Variants in DNAH17 observed in about 807,000 individuals in gnomAD.
DNAH17 encodes axonemal beta dynein heavy chain 17.
Under a neutral mutation model 485.6 loss-of-function variants are expected in DNAH17, and 376 were observed. The ratio of observed to expected loss-of-function variants is 0.77; its 90% CI spans 0.71 to 0.84. The LOEUF is 0.84. Ranked by LOEUF, DNAH17 falls within the 40% of genes least tolerant of loss-of-function variation. The pLI, the probability that DNAH17 is intolerant of heterozygous loss-of-function variation, is 0.00. For synonymous variants in DNAH17, 3,031 were observed against 2,405.9 expected (o/e 1.26, Z -7.60); for missense variants, 6,370 against 5,839.3 (o/e 1.09, Z -2.96).
intron 20 of DNAH17, 65 bp downstream of exon 20, chr17:78,532,417 G>A (rs2091264557): frequency 2.0e-6 from 3 of 1,521,458 alleles, no homozygotes; most frequent in Non-Finnish European, 1.8e-6. Flanking sequence ...TTTAAAGCAA[G>A]CCTGGTGATC....
chr17:78,500,240 G>C (rs765917156), intron 36 of DNAH17, 65 bp downstream of exon 36: 71 of 1,502,752 alleles, frequency 4.7e-5, no homozygotes, highest in East Asian at 2.5e-5. Context: ...TCGGAGGACA[G>C]GGTGCTAGGA....
At chr17:78,562,349 C>T (rs908173226) in intron 11 of DNAH17, among the ~76,000 whole-genome samples, 9 of 152,174 alleles carry the variant, frequency 5.9e-5, no homozygotes, top group South Asian at 2.1e-4. Context: ...TTTGAGGGGC[C>T]GAGGCGGGAG....
chr17:78,448,442 G>A (rs1261618297), intron 69 of DNAH17, among the ~76,000 whole-genome samples: 12 of 152,188 alleles, frequency 7.9e-5, no homozygotes, highest in Admixed American at 7.2e-4. Flanking sequence ...TGGGAGGATT[G>A]CTTGAGTCCA....
At chr17:78,482,529 C>T (rs896504410) in intron 48 of DNAH17, among the ~76,000 whole-genome samples, 1 of 152,208 alleles carries the variant, frequency 6.6e-6, no homozygotes, top group Non-Finnish European at 1.5e-5. Flanking sequence ...ATTTAAATCA[C>T]AGCCATCAAT....
At chr17:78,458,531 G>C (rs1421570361) in intron 62 of DNAH17, 34 bp downstream of exon 62, 1 of 1,570,112 alleles carries the variant, frequency 6.4e-7, no homozygotes, top group South Asian at 1.1e-5. Flanking sequence ...GGGGGTCTGA[G>C]AGCAGGAGGG....
intron 29 of DNAH17, among the ~76,000 whole-genome samples, 185 bp downstream of exon 29, chr17:78,507,093 G>A (rs771210828): frequency 6.6e-6 from 1 of 152,208 alleles, no homozygotes. Flanking sequence ...CAAGGCCAAG[G>A]CATCACGTGG....
chr17:78,521,021 G>C (rs1490497085), intron 25 of DNAH17, among the ~76,000 whole-genome samples: 1 of 152,196 alleles, frequency 6.6e-6, no homozygotes, highest in Non-Finnish European at 1.5e-5. Flanking sequence ...TGGAGGGACA[G>C]ACACGAAGAC....
chr17:78,495,891 G>C lies in DNAH17; in HGVS notation c.5887C>G (p.Leu1963Val), dbSNP rs1420871336. ...GCCACGTACCTGAATAAGGCTTTTA[G>C]GTTCTCAGGCAGCTCCGCGCGTCCG... ...YAGRAELPEN[L>V]KALFRPCAMV... The change falls in exon 38 of 81, where the codon CTA (leucine) becomes GTA (valine). Residue 1963 changes from leucine to valine, a missense_variant. Leu to Val is a conservative substitution (Grantham distance 32). Coordinates refer to ENST00000389840, the MANE Select transcript of DNAH17 (RefSeq NM_173628.4). 38 of 1,613,596 alleles carry C rather than the reference G, an allele frequency of 2.4e-5. No homozygotes were observed. The highest frequency in any genetic ancestry group is 3.1e-5 in the Non-Finnish European group (37 of 1,179,700).
intron 37 of DNAH17, among the ~76,000 whole-genome samples, chr17:78,497,524 A>G (rs1225568901): frequency 6.6e-6 from 1 of 152,088 alleles, no homozygotes; most frequent in Non-Finnish European, 1.5e-5. Flanking sequence ...GGCTATATAA[A>G]TATTCTGGGG....
intron 29 of DNAH17, among the ~76,000 whole-genome samples, 159 bp downstream of exon 29, chr17:78,507,119 G>T (rs763466734): frequency 2.0e-5 from 3 of 152,166 alleles, no homozygotes; most frequent in Non-Finnish European, 2.9e-5. Context: ...TGAGGCCGGG[G>T]AGTGTGTGCT....
chr17:78,569,169 A>G lies in DNAH17; in HGVS notation c.1281T>C (p.Ile427=). The G allele has an allele frequency of 6.3e-7, 1 of 1,599,670 alleles. No homozygotes were observed. Among genetic ancestry groups the G allele is most frequent in the Non-Finnish European group, 8.5e-7 (1 of 1,172,930 alleles). Residue 427 remains isoleucine, a synonymous_variant, in exon 9 of 81, where the codon ATT becomes ATC. Coordinates refer to ENST00000389840, the MANE Select transcript of DNAH17 (RefSeq NM_173628.4). ...INSFFQRIQT[I]EELYKTAIEF... Reference sequence around the variant, plus strand: ...ATGCACCGAGTTCTGTTTTTACCTCAATGGTCTGGATGCGCTGGAAGAAGG... The same window carrying G: ...ATGCACCGAGTTCTGTTTTTACCTCGATGGTCTGGATGCGCTGGAAGAAGG...
chr17:78,436,319 T>G (rs966610445), intron 74 of DNAH17, among the ~76,000 whole-genome samples: 5 of 152,090 alleles, frequency 3.3e-5, no homozygotes, highest in African/African-American at 9.7e-5. Flanking sequence ...TCCCAGCTAC[T>G]TGGGAGCCTG....
In DNAH17 at chr17:78,425,599, G is replaced by A. The variant is rs1304456679; in HGVS notation, c.12916-28C>T. The A allele has an allele frequency of 3.2e-6, 5 of 1,573,912 alleles. No homozygotes were observed. The African/African-American group carries it at 4.1e-5, about 13-fold the overall frequency. On this transcript the variant is annotated intron_variant, in intron 79 of 80. Transcript: ENST00000389840. Reference sequence around the variant, plus strand: ...GCAAGGACACACGAGCCGCTAGGAGGAGAGGACATAGAATGACATGGGAAC... The same window carrying A: ...GCAAGGACACACGAGCCGCTAGGAGAAGAGGACATAGAATGACATGGGAAC...
In DNAH17 at chr17:78,492,634, A is replaced by G. The variant is rs757005091; in HGVS notation, c.6540T>C (p.Asp2180=). Residue 2180 remains aspartate (D), a splice_region_variant and synonymous_variant, in exon 42 of 81, where the codon GAT becomes GAC. Transcript: ENST00000389840. ...IINPVTREWK[D]GLFSTIMRDL... ...CTGTCCCGGGACCACCCTCGTTACC[A>G]TCTTTCCATTCCCTGGTCACTGGGT... 2 of 1,613,532 alleles carry G rather than the reference A, an allele frequency of 1.2e-6. No homozygotes were observed. Among genetic ancestry groups the G allele is most frequent in the Non-Finnish European group, 1.7e-6 (2 of 1,179,708 alleles).
At chr17:78,510,702 C>T in intron 26 of DNAH17, 196 bp from the exon 27 acceptor site, 1 of 663,416 alleles carries the variant, frequency 1.5e-6, no homozygotes, top group South Asian at 1.9e-5. Flanking sequence ...CCTTCCTTCC[C>T]TGTAAAACCG....
chr17:78,474,712 T>G (rs1959873299), intron 54 of DNAH17, among the ~76,000 whole-genome samples: 1 of 151,962 alleles, frequency 6.6e-6, no homozygotes, highest in Admixed American at 6.6e-5. Flanking sequence ...GCTGGAAGGT[T>G]TCACACCCTT....
At position 78,530,427 on chromosome 17, in the gene DNAH17, C is replaced by T. The variant is rs1424648511; in HGVS notation, c.3200G>A (p.Arg1067His). ...VFHGWLQCDC[R>H]PFKQALLSTI... ...GCTGAGCAGGGCCTGCTTGAAGGGG[C>T]GGCAGTCGCACTGCAGCCAGCCGTG... Residue 1067 changes from arginine to histidine, a missense_variant, in exon 21 of 81, where the codon CGC becomes CAC. Arg to His is a conservative substitution (Grantham distance 29). Transcript: ENST00000389840. 10 of 1,613,584 alleles carry T rather than the reference C, an allele frequency of 6.2e-6. No homozygotes were observed. Among genetic ancestry groups the T allele is most frequent in the East Asian group, 2.2e-5 (1 of 44,880 alleles).
intron 52 of DNAH17, 120 bp from the exon 53 acceptor site, chr17:78,475,953 C>G: frequency 1.7e-6 from 2 of 1,182,368 alleles, no homozygotes; most frequent in Non-Finnish European, 2.3e-6. Flanking sequence ...GGTCCCAGGC[C>G]AAGTCTCCAG....
Position 78,485,653 on chromosome 17 carries a change from GC to G in DNAH17, c.7379del (p.Gly2460AlafsTer5). On this transcript the variant is annotated frameshift_variant, in exon 47 of 81. Transcript: ENST00000389840. LOFTEE classifies it high-confidence loss of function. ...PVMLVGNAGT[G>X]KSVLMGDKLE... ...GCTTGTCCCCCATCAGCACCGACTT[GC>G]CCGTCCCCGCGTTCCCCACCAGCAT... is the stretch of plus-strand genomic sequence containing the variant. 1 of 1,614,006 alleles carries G rather than the reference GC, an allele frequency of 6.2e-7. No homozygotes were observed.
Sources: allele counts gnomAD v4.1 joint callset (sites outside exome capture counted in the v4.1 genomes callset), GRCh38; gene constraint gnomAD v4.1.1; transcripts MANE v1.5; gene names NCBI Gene and HGNC (gene_info 2026-07-23, HGNC 2026-07-21).